SGSH: variants seen among roughly 807,000 people sequenced by gnomAD.
The protein encoded by SGSH is heparan sulfate sulfatase.
A neutral mutation model predicts 51.0 loss-of-function variants in SGSH; 48 were observed. That is an observed-to-expected ratio of 0.94 (90% CI 0.75 to 1.20). The LOEUF is 1.20. Ranked by LOEUF, SGSH falls within the 50% of genes most tolerant of loss-of-function variation. The pLI is 0.00. For missense variants in SGSH, 662 were observed against 717.8 expected (o/e 0.92, Z 0.89); for synonymous variants, 321 against 313.4 (o/e 1.02, Z -0.26).
downstream of SGSH, chr17:80,205,570 GA>G (rs1412823635): frequency 8.2e-6 from 13 of 1,581,584 alleles, no homozygotes; most frequent in Non-Finnish European, 1.0e-5. Context: ...TGGAGCCAGA[GA>G]GGGGACATCA....
intron 3 of SGSH, 71 bp downstream of exon 3, chr17:80,214,962 C>T (rs2041832216): frequency 1.4e-6 from 2 of 1,423,262 alleles, no homozygotes; most frequent in East Asian, 4.7e-5. Flanking sequence ...GTACAAGGTG[C>T]CGAACCTCCT....
At position 80,215,692 on chromosome 17, in the gene SGSH, G is replaced by A. The variant is rs374427139; in HGVS notation, c.250-554C>T. ...AAATTAGCTGGGCGTGGTGGCGGGC[G>A]CCTGTAGTCCCAGCTACTCGGGAGG... On this transcript the variant is annotated intron_variant, in intron 2 of 7. Coordinates refer to ENST00000326317, the MANE Select transcript of SGSH (RefSeq NM_000199.5). Among the ~76,000 whole-genome samples, 29 of 151,984 alleles carry A rather than the reference G, an allele frequency of 1.9e-4. No individual in the cohort carries two copies. The South Asian group carries it at 5.4e-3, about 28-fold the overall frequency.
At chr17:80,203,520 G>A (rs934039224), downstream of SGSH, 1 of 336,696 alleles carries the variant, frequency 3.0e-6, no homozygotes, top group Non-Finnish European at 5.4e-6. This position sits in a 1 kb window ranked among gnomAD's most constrained non-coding sequence, Gnocchi z 4.6. Context: ...TGAATATTGA[G>A]GTCCTGGAGT....
At position 80,214,916 on chromosome 17, in the gene SGSH, A is replaced by C. The variant is rs1461894736; in HGVS notation, c.355+117T>G. On this transcript the variant is annotated intron_variant, in intron 3 of 7. Coordinates refer to ENST00000326317, the MANE Select transcript of SGSH (RefSeq NM_000199.5). ...CCAGGCCCAGATCCTTTGGGACAAG[A>C]GCTAAGGGCAGGCCACGGGGGCTGA... The C allele has an allele frequency of 3.9e-6, 5 of 1,282,002 alleles. No homozygotes were observed. The East Asian group carries it at 1.2e-4, about 31-fold the overall frequency. 79.4% of individuals were successfully genotyped at this position (1,282,002 alleles called of 1,614,324 possible). A position where few individuals can be genotyped will look rare whatever the true frequency, so the allele number is the denominator to read the frequency against.
downstream of SGSH, chr17:80,206,788 A>G (rs4889837): frequency 0.54 from 223,994 of 412,262 alleles, 63,297 homozygotes; most frequent in East Asian, 0.66. Flanking sequence ...AAATAAAAAT[A>G]AAAAAAAGAG....
chr17:80,206,845 A>C, downstream of SGSH: 1 of 499,628 alleles, frequency 2.0e-6, no homozygotes, highest in South Asian at 3.5e-5. Context: ...TACAAAATTC[A>C]GCTCTGCCCA....
downstream of SGSH, chr17:80,206,982 C>T: frequency 6.2e-7 from 1 of 1,611,940 alleles, no homozygotes; most frequent in Non-Finnish European, 8.5e-7. Context: ...CACCCATGCC[C>T]TCCTGGACGT....
At chr17:80,204,213 T>C (rs2144522558), downstream of SGSH, 3 of 1,575,072 alleles carry the variant, frequency 1.9e-6, no homozygotes, top group Non-Finnish European at 2.6e-6. Context: ...ATCCTTTCTC[T>C]GTCCCTCCTT....
At chr17:80,216,837 A>G (rs1298700399) in intron 2 of SGSH, 195 bp downstream of exon 2, 3 of 606,748 alleles carry the variant, frequency 4.9e-6, no homozygotes, top group Non-Finnish European at 8.7e-6. Context: ...ACAGCAGTGC[A>G]GCCAGGGCTG....
rs146904798 is a variant in SGSH at position 80,212,180 on chromosome 17, G to A, written c.840C>T (p.Ser280=). The stretch of plus-strand genomic sequence containing the variant: ...CCGGCCAGTACAGGTTGGTCCTGCC[G>A]CTGGGGAAGGGGATCCCGTTGTCGG... ...FTSDNGIPFP[S]GRTNLYWPGT... Residue 280 remains serine (S), a synonymous_variant, in exon 7 of 8, where the codon AGC becomes AGT. Transcript: ENST00000326317. This position sits in a 1 kb window ranked among gnomAD's most constrained non-coding sequence, Gnocchi z 5.9. 6.8e-5 allele frequency: 110 copies of A among 1,613,498 alleles called. No individual in the cohort carries two copies. Among genetic ancestry groups the A allele is most frequent in the Admixed American group, 4.5e-4 (27 of 60,022 alleles).
chr17:80,217,581 T>C (rs1485813630), intron 1 of SGSH, among the ~76,000 whole-genome samples: 2 of 152,134 alleles, frequency 1.3e-5, no homozygotes, highest in Non-Finnish European at 2.9e-5. Flanking sequence ...GCAGGCCTGA[T>C]ACCCAGTGGG....
downstream of SGSH, chr17:80,203,680 C>A: frequency 1.6e-6 from 1 of 610,472 alleles, no homozygotes; most frequent in Non-Finnish European, 2.9e-6. The surrounding 1 kb of genome is among the most constrained non-coding windows in gnomAD (Gnocchi z 4.6). Context: ...CTCCAGCCTG[C>A]AGCAAAGGGA....
intron 2 of SGSH, 63 bp from the exon 3 acceptor site, chr17:80,215,201 G>C: frequency 8.1e-7 from 1 of 1,228,758 alleles, no homozygotes; most frequent in Non-Finnish European, 1.2e-6. Flanking sequence ...TGCCGCACCT[G>C]TTCTCCCACG....
At position 80,214,224 on chromosome 17, in the gene SGSH, A is replaced by G. The variant is rs766605672; in HGVS notation, c.611T>C (p.Met204Thr). 7 of 1,612,898 alleles carry G rather than the reference A, an allele frequency of 4.3e-6. No individual in the cohort carries two copies. The South Asian group carries it at 4.4e-5, about 10-fold the overall frequency. ...CEKFGNGESG[M>T]GRIPDWTPQA... ...GGGGGTCCAGTCTGGGATACGACCC[A>G]TGCCGCTCTCTCCGTTGCCAAACTT... Residue 204 changes from methionine to threonine, a missense_variant, in exon 5 of 8, where the codon ATG becomes ACG. Coordinates refer to ENST00000326317, the MANE Select transcript of SGSH (RefSeq NM_000199.5).
At chr17:80,201,982 G>T, downstream of SGSH, 1 of 1,417,240 alleles carries the variant, frequency 7.1e-7, no homozygotes, top group South Asian at 1.4e-5. The surrounding 1 kb of genome is among the most constrained non-coding windows in gnomAD (Gnocchi z 5.0). Flanking sequence ...AGAGCCAAGA[G>T]AGGATCAGCC....
At chr17:80,203,885 G>T, downstream of SGSH, 1 of 1,594,876 alleles carries the variant, frequency 6.3e-7, no homozygotes, top group Non-Finnish European at 8.5e-7. The surrounding 1 kb of genome is among the most constrained non-coding windows in gnomAD (Gnocchi z 4.6). Context: ...TGACCCGCAA[G>T]GTGAGGCTCC....
Position 80,213,896 on chromosome 17 carries a change from C to T in SGSH, c.664-11G>A, listed in dbSNP as rs761740352. The T allele has an allele frequency of 1.1e-5, 18 of 1,600,246 alleles. No homozygotes were observed. The highest frequency in any genetic ancestry group is 2.2e-5 in the East Asian group (1 of 44,448). Reference sequence around the variant, plus strand: ...GACGAAGTAAGGCACCTGGGGCAGGCGGTGGGGAGCCAGGCTTAGAACAGA... The same window carrying T: ...GACGAAGTAAGGCACCTGGGGCAGGTGGTGGGGAGCCAGGCTTAGAACAGA... On this transcript the variant is annotated splice_polypyrimidine_tract_variant and intron_variant, in intron 5 of 7. Transcript: ENST00000326317. The surrounding 1 kb of genome is among the most constrained non-coding windows in gnomAD (Gnocchi z 4.6).
chr17:80,204,413 T>C, downstream of SGSH: 1 of 1,425,496 alleles, frequency 7.0e-7, no homozygotes, highest in Non-Finnish European at 9.4e-7. Flanking sequence ...CTGCTGCTAG[T>C]TGGTCAGCTG....
rs1296643332 is a variant in SGSH, at chr17:80,220,315, GC to G, written c.-3del. The stretch of plus-strand genomic sequence containing the variant: ...GCAGGCGGGCACGGGGCAGCTCATG[GC>G]GGCGGCGGCTCGGACTCGGGATCGG... On this transcript the variant is annotated 5_prime_UTR_variant, in exon 1 of 8. Transcript: ENST00000326317. 1 of 1,489,090 alleles carries G rather than the reference GC, an allele frequency of 6.7e-7. No homozygotes were observed. The highest frequency in any genetic ancestry group is 1.5e-5 in the African/African-American group (1 of 68,594). The allele number at this position is 1,489,090 out of a possible 1,614,324, so 92.2% of individuals were successfully genotyped here.
Sources: gnomAD v4.1 joint callset for allele counts (sites outside exome capture counted in the v4.1 genomes callset) on GRCh38, gnomAD v4.1.1 for gene constraint, Gnocchi (gnomAD v3.1) non-coding constraint, MANE v1.5 for transcripts, NCBI Gene and HGNC (gene_info 2026-07-23, HGNC 2026-07-21) for gene names.